The following AGMO variants were observed in gnomAD, a reference collection of about 807,000 sequenced individuals.
AGMO encodes the protein alkylglycerol monooxygenase.
AGMO carries 75 observed loss-of-function variants against 60.2 expected under a neutral mutation model. The observed-to-expected ratio is 1.25, with a 90% confidence interval of 1.03 to 1.51. The LOEUF (loss-of-function observed/expected upper bound fraction) is 1.51. Ranked by LOEUF, AGMO falls within the 40% of genes most tolerant of loss-of-function variation. AGMO has a pLI of 0.00. For missense variants in AGMO, 763 were observed against 525.5 expected, an observed-to-expected ratio of 1.45 and a Z score of -4.42; for synonymous variants, 261 against 177.1, an observed-to-expected ratio of 1.47 and a Z score of -3.76.
At chr7:15,366,839 T>C (rs576925813) in intron 10 of AGMO, among the ~76,000 whole-genome samples, 12 of 152,166 alleles carry the variant, frequency 7.9e-5, no homozygotes, top group African/African-American at 2.9e-4. Flanking sequence ...TACTGATATA[T>C]TGGACTTTGA....
chr7:15,529,243 G>C lies in AGMO; in HGVS notation c.409+15529C>G, dbSNP rs75400025. On this transcript the variant is annotated intron_variant, in intron 3 of 12. Coordinates refer to ENST00000342526, the MANE Select transcript of AGMO (RefSeq NM_001004320.2). ...TGGAGGATGCATCATGTAGTACTGG[G>C]GTGGTTATATTTCAACATACATGGA... 3.3e-3 allele frequency among the ~76,000 whole-genome samples: 500 copies of C among 151,190 alleles called. 4 individuals carry two copies. The highest frequency in any genetic ancestry group is 0.011 in the African/African-American group (471 of 41,238).
At chr7:15,158,854 T>C in the AGMO span, among the ~76,000 whole-genome samples, 1 of 152,052 alleles carries the variant, frequency 6.6e-6, no homozygotes, top group Admixed American at 6.5e-5. Context: ...TCAAAAAAAA[T>C]AAAGATAAAA....
chr7:15,453,741 AT>A, intron 3 of AGMO, among the ~76,000 whole-genome samples: 1 of 152,232 alleles, frequency 6.6e-6, no homozygotes, highest in East Asian at 1.9e-4. Flanking sequence ...TCAGCACAGG[AT>A]ATTTGTGGCA....
chr7:15,335,348 T>C (rs1781624351), intron 12 of AGMO, among the ~76,000 whole-genome samples: 1 of 152,216 alleles, frequency 6.6e-6, no homozygotes, highest in African/African-American at 2.4e-5. Flanking sequence ...CAAACTCATA[T>C]TACTCTTTTT....
chr7:15,204,740 A>G (rs377617910), intron 12 of AGMO, among the ~76,000 whole-genome samples: 2 of 152,194 alleles, frequency 1.3e-5, no homozygotes, highest in East Asian at 1.9e-4. Context: ...TGTTTCCACC[A>G]TGCCTTTCCA....
At chr7:15,236,232 T>C (rs962788617) in intron 12 of AGMO, among the ~76,000 whole-genome samples, 1 of 152,138 alleles carries the variant, frequency 6.6e-6, no homozygotes, top group Non-Finnish European at 1.5e-5. Flanking sequence ...TTTGGGGTGG[T>C]TGAATAATAC....
chr7:15,366,416 G>A (rs2128561884), intron 10 of AGMO, among the ~76,000 whole-genome samples, 194 bp from the exon 11 acceptor site: 1 of 152,094 alleles, frequency 6.6e-6, no homozygotes, highest in Non-Finnish European at 1.5e-5. Context: ...TTGGACACTT[G>A]GAGAATTAGA....
At chr7:15,413,054 G>C (rs529614149) in intron 5 of AGMO, among the ~76,000 whole-genome samples, 4 of 152,212 alleles carry the variant, frequency 2.6e-5, no homozygotes, top group African/African-American at 9.6e-5. Context: ...ATTGGAATTA[G>C]CAGACAAGAA....
At chr7:15,350,523 A>C (rs1782202670) in intron 12 of AGMO, among the ~76,000 whole-genome samples, 1 of 152,142 alleles carries the variant, frequency 6.6e-6, no homozygotes, top group Admixed American at 6.6e-5. Context: ...GAGAGCTTAC[A>C]GTCACACCTG....
chr7:15,472,422 G>A (rs1274560332), intron 3 of AGMO, among the ~76,000 whole-genome samples: 1 of 151,878 alleles, frequency 6.6e-6, no homozygotes, highest in Admixed American at 6.6e-5. Context: ...TCTTTGAAAT[G>A]AAAATATAGA....
chr7:15,435,771 A>C (rs1357291629), intron 3 of AGMO, among the ~76,000 whole-genome samples: 1 of 152,176 alleles, frequency 6.6e-6, no homozygotes, highest in African/African-American at 2.4e-5. Flanking sequence ...ACAAAAAACA[A>C]AGGTAATTTT....
the AGMO span, among the ~76,000 whole-genome samples, chr7:15,147,506 C>T: frequency 9.9e-5 from 15 of 152,244 alleles, 1 homozygote; most frequent in South Asian, 2.3e-3. Context: ...CCCGCCTCCA[C>T]GATTCAGTTA....
intron 12 of AGMO, among the ~76,000 whole-genome samples, chr7:15,343,614 A>G (rs578195737): frequency 4.2e-4 from 64 of 152,304 alleles, no homozygotes; most frequent in African/African-American, 1.5e-3. Flanking sequence ...ATTCTGAATC[A>G]CATCCACAGC....
downstream of AGMO, among the ~76,000 whole-genome samples, chr7:15,197,903 A>C (rs1781160942): frequency 6.6e-6 from 1 of 152,172 alleles, no homozygotes. Context: ...GACTTCAGAG[A>C]GTTTAAATTT....
At chr7:15,469,117 G>T (rs1284626851) in intron 3 of AGMO, among the ~76,000 whole-genome samples, 2 of 151,986 alleles carry the variant, frequency 1.3e-5, no homozygotes, top group African/African-American at 2.4e-5. Flanking sequence ...ATAATAAATT[G>T]GTTTGTGTTG....
At chr7:15,236,447 A>G (rs1261929890) in intron 12 of AGMO, among the ~76,000 whole-genome samples, 1 of 152,144 alleles carries the variant, frequency 6.6e-6, no homozygotes, top group Non-Finnish European at 1.5e-5. Context: ...TAGTTTTGCT[A>G]GGTAAGTGTG....
chr7:15,481,468 C>A (rs1258741519), intron 3 of AGMO, among the ~76,000 whole-genome samples: 1 of 151,988 alleles, frequency 6.6e-6, no homozygotes, highest in Non-Finnish European at 1.5e-5. Context: ...AGAAATATTT[C>A]ATAATGATAA....
intron 12 of AGMO, among the ~76,000 whole-genome samples, chr7:15,259,897 T>C (rs1245603445): frequency 7.5e-5 from 1 of 13,346 alleles, no homozygotes; most frequent in Non-Finnish European, 1.2e-4. Context: ...CTACAAGAAC[T>C]GCAAAAAAAA....
At chr7:15,422,819 A>C (rs1780961687) in intron 4 of AGMO, among the ~76,000 whole-genome samples, 1 of 152,112 alleles carries the variant, frequency 6.6e-6, no homozygotes, top group Non-Finnish European at 1.5e-5. Flanking sequence ...TGTGGGAGTG[A>C]AGAGGGTAGA....
Sources: allele counts gnomAD v4.1 joint callset (sites outside exome capture counted in the v4.1 genomes callset), GRCh38; gene constraint gnomAD v4.1.1; transcripts MANE v1.5; gene names NCBI Gene and HGNC (gene_info 2026-07-23, HGNC 2026-07-21).